SMYD3: variants seen among roughly 807,000 people sequenced by gnomAD.
SMYD3 encodes the protein histone-lysine N-methyltransferase SMYD3.
In SMYD3, 36 loss-of-function variants were observed where a neutral mutation model predicts 57.7. The observed-to-expected ratio is 0.62, with a 90% CI of 0.48 to 0.82. The LOEUF (loss-of-function observed/expected upper bound fraction) is 0.82. Among genes scored for constraint, SMYD3 ranks in the 40% least tolerant of loss-of-function variants. The pLI, the probability that SMYD3 is intolerant of heterozygous loss-of-function variation, is 0.00. For synonymous variants in SMYD3, 211 were observed against 195.0 expected (o/e 1.08, Z -0.68); for missense variants, 515 against 538.8 (o/e 0.96, Z 0.44).
At chr1:245,918,610 T>C (rs546492322) in intron 7 of SMYD3, among the ~76,000 whole-genome samples, 101 of 152,328 alleles carry the variant, frequency 6.6e-4, no homozygotes, top group African/African-American at 2.3e-3. Flanking sequence ...TTCTAATGAA[T>C]GCTATGTTCC....
At chr1:246,073,270 G>A (rs1259114328) in intron 5 of SMYD3, among the ~76,000 whole-genome samples, 4 of 152,114 alleles carry the variant, frequency 2.6e-5, no homozygotes, top group Admixed American at 6.5e-5. Flanking sequence ...TGTGTAAAGT[G>A]GCCTATAATG....
chr1:246,408,757 C>T (rs149836702), intron 1 of SMYD3, among the ~76,000 whole-genome samples: 11,790 of 149,850 alleles, frequency 0.079, 540 homozygotes, highest in Middle Eastern at 0.2. Context: ...GCAAACTCTG[C>T]CTCCCAGGTT....
In SMYD3 at chr1:245,817,365, A is replaced by G. The variant is rs1485714204; in HGVS notation, c.1076+41131T>C. ...CCTGTTAGAAGGAAAACTAACAAAC[A>G]GAAAGCACATCCACACCAAAAACCC... On this transcript the variant is annotated intron_variant, in intron 10 of 11. Coordinates refer to ENST00000490107, the MANE Select transcript of SMYD3 (RefSeq NM_001167740.2). Among the ~76,000 whole-genome samples the G allele has an allele frequency of 1.4e-5, 2 of 146,862 alleles. 1 individual carries two copies. Among genetic ancestry groups the G allele is most frequent in the African/African-American group, 5.1e-5 (2 of 38,894 alleles).
chr1:246,234,999 A>G (rs61285288), intron 5 of SMYD3, among the ~76,000 whole-genome samples: 31,534 of 152,074 alleles, frequency 0.21, 3,985 homozygotes, highest in East Asian at 0.58. Context: ...TGAAAAGTGG[A>G]ATGTGGCGTT....
intron 5 of SMYD3, among the ~76,000 whole-genome samples, chr1:246,037,697 C>A (rs1380365740): frequency 6.6e-6 from 1 of 152,170 alleles, no homozygotes; most frequent in East Asian, 1.9e-4. Flanking sequence ...CTTTTTGTCC[C>A]CAAAATCCTG....
At chr1:246,048,707 T>G (rs2060011375) in intron 5 of SMYD3, among the ~76,000 whole-genome samples, 1 of 151,590 alleles carries the variant, frequency 6.6e-6, no homozygotes, top group Admixed American at 6.6e-5. Flanking sequence ...CGTTTCCTCA[T>G]CAGCAAACAG....
chr1:246,319,541 A>G (rs2065214141), intron 5 of SMYD3, among the ~76,000 whole-genome samples: 1 of 152,246 alleles, frequency 6.6e-6, no homozygotes, highest in African/African-American at 2.4e-5. Flanking sequence ...TTAATTCAAA[A>G]GATTGCTTTC....
intron 9 of SMYD3, among the ~76,000 whole-genome samples, chr1:245,861,447 G>A (rs897080093): frequency 6.6e-6 from 1 of 152,228 alleles, no homozygotes; most frequent in Non-Finnish European, 1.5e-5. Context: ...AACTTACTGA[G>A]ATTCAATGAC....
intron 2 of SMYD3, among the ~76,000 whole-genome samples, chr1:246,340,168 T>A (rs2065610640): frequency 6.6e-6 from 1 of 150,630 alleles, no homozygotes; most frequent in Admixed American, 6.6e-5. Flanking sequence ...AAATATTGTA[T>A]AATATTAAGG....
At chr1:246,053,624 C>A (rs1218263013) in intron 5 of SMYD3, among the ~76,000 whole-genome samples, 1 of 151,928 alleles carries the variant, frequency 6.6e-6, no homozygotes, top group Admixed American at 6.6e-5. Context: ...ATCAAGAAAA[C>A]CCTTATGCCA....
intron 1 of SMYD3, among the ~76,000 whole-genome samples, chr1:246,485,622 C>T (rs2068176003): frequency 6.6e-6 from 1 of 151,414 alleles, no homozygotes; most frequent in African/African-American, 2.4e-5. Flanking sequence ...CCCCACATCT[C>T]TACAAAAAAA....
At chr1:245,934,571 G>A (rs960811631) in intron 5 of SMYD3, among the ~76,000 whole-genome samples, 12 of 151,962 alleles carry the variant, frequency 7.9e-5, no homozygotes, top group African/African-American at 2.9e-4. Context: ...TGCCTCTTTT[G>A]GTCACATAGT....
At chr1:246,256,827 C>T (rs1442714326) in intron 5 of SMYD3, among the ~76,000 whole-genome samples, 1 of 152,152 alleles carries the variant, frequency 6.6e-6, no homozygotes, top group African/African-American at 2.4e-5. Context: ...TTCCTCTTAA[C>T]ACTACTTTTG....
At chr1:246,088,467 G>A (rs1231882857) in intron 5 of SMYD3, among the ~76,000 whole-genome samples, 2 of 135,592 alleles carry the variant, frequency 1.5e-5, no homozygotes, top group East Asian at 2.4e-4. Context: ...AAAATTAGCC[G>A]GGCGTGGTGA....
chr1:246,203,169 TTC>T lies in SMYD3; in HGVS notation c.531+124030_531+124031del, dbSNP rs2062946845. On this transcript the variant is annotated intron_variant, in intron 5 of 11. Coordinates refer to ENST00000490107, the MANE Select transcript of SMYD3 (RefSeq NM_001167740.2). The surrounding 1 kb of genome is among the most constrained non-coding windows in gnomAD (Gnocchi z 4.6). ...AATAAAGGCTGGAGACTTAAGAACTTTCTCCAGTTTCCTTCCCTGGTCCACAG... is the reference window on the plus strand; with the variant it reads ...AATAAAGGCTGGAGACTTAAGAACTTTCCAGTTTCCTTCCCTGGTCCACAG... Among the ~76,000 whole-genome samples the T allele has an allele frequency of 6.6e-6, 1 of 152,102 alleles. No homozygotes were observed. The highest frequency in any genetic ancestry group is 1.5e-5 in the Non-Finnish European group (1 of 68,012).
In SMYD3 at chr1:246,029,505, T is replaced by C. The variant is rs542236233; in HGVS notation, c.532-99568A>G. ...GGCCAAAATGGTGAAACCCCATCTC[T>C]ACTAAAAATACAAAAAATTAGCCAG... is the stretch of plus-strand genomic sequence containing the variant. On this transcript the variant is annotated intron_variant, in intron 5 of 11. Transcript: ENST00000490107. 3.3e-5 allele frequency among the ~76,000 whole-genome samples: 5 copies of C among 151,588 alleles called. No individual in the cohort carries two copies. In the South Asian group the frequency reaches 1.0e-3, roughly 32 times the overall value.
intron 5 of SMYD3, among the ~76,000 whole-genome samples, chr1:246,083,456 C>T (rs1337026835): frequency 6.6e-6 from 1 of 151,750 alleles, no homozygotes; most frequent in Non-Finnish European, 1.5e-5. Context: ...CCCGCTCTCC[C>T]AGAAATGCCC....
At position 245,972,339 on chromosome 1, in the gene SMYD3, GACA is replaced by G. The variant is rs2058321795; in HGVS notation, c.532-42405_532-42403del. ...CTCTGTAAACTCCACATGGCTCTAT[GACA>G]ACAACACAGTGTTCAATGGTATCAC... is the stretch of plus-strand genomic sequence containing the variant. On this transcript the variant is annotated intron_variant, in intron 5 of 11. Coordinates refer to ENST00000490107, the MANE Select transcript of SMYD3 (RefSeq NM_001167740.2). 2.0e-5 allele frequency among the ~76,000 whole-genome samples: 3 copies of G among 152,214 alleles called. No homozygotes were observed. In the South Asian group the frequency reaches 6.2e-4, roughly 32 times the overall value.
In SMYD3 at chr1:246,317,033, A is replaced by C. The variant is rs976135230; in HGVS notation, c.531+10168T>G. Among the ~76,000 whole-genome samples, 4 of 151,908 alleles carry C rather than the reference A, an allele frequency of 2.6e-5. No homozygotes were observed. The South Asian group carries it at 8.3e-4, about 32-fold the overall frequency. On this transcript the variant is annotated intron_variant, in intron 5 of 11. Coordinates refer to ENST00000490107, the MANE Select transcript of SMYD3 (RefSeq NM_001167740.2). ...TAAATAAAATAAAAATTTAAAAAAA[A>C]AGGAAACAGCTAAGAATGACAGTTT...
Sources: gnomAD v4.1 joint callset for allele counts (sites outside exome capture counted in the v4.1 genomes callset) on GRCh38, gnomAD v4.1.1 for gene constraint, Gnocchi (gnomAD v3.1) non-coding constraint, MANE v1.5 for transcripts, NCBI Gene and HGNC (gene_info 2026-07-23, HGNC 2026-07-21) for gene names.